CNKSR2: variants seen among roughly 807,000 people sequenced by gnomAD.
The protein encoded by CNKSR2 is CNK homolog protein 2.
CNKSR2 carries 14 observed loss-of-function variants against 84.4 expected under a neutral mutation model. That is an observed-to-expected ratio of 0.17 (90% CI 0.11 to 0.26). The LOEUF (loss-of-function observed/expected upper bound fraction) is 0.26. Among genes scored for constraint, CNKSR2 ranks in the 10% least tolerant of loss-of-function variants. The pLI, the probability that CNKSR2 is intolerant of heterozygous loss-of-function variation, is 1.00. For missense variants in CNKSR2, 485 were observed against 771.2 expected, an observed-to-expected ratio of 0.63 and a Z score of 4.40; for synonymous variants, 275 against 277.9, an observed-to-expected ratio of 0.99 and a Z score of 0.10.
At chrX:21,619,144 A>T (rs1399370920) in intron 20 of CNKSR2, among the ~76,000 whole-genome samples, 1 of 112,532 alleles carries the variant, frequency 8.9e-6, no homozygotes, top group Non-Finnish European at 1.9e-5. Flanking sequence ...GATTCAGCTT[A>T]TTCCTTAAAC....
chrX:21,474,798 A>G (rs900751651), intron 5 of CNKSR2, among the ~76,000 whole-genome samples: 8 of 112,081 alleles, frequency 7.1e-5, no homozygotes, highest in African/African-American at 2.6e-4. Flanking sequence ...CAAGATTTGC[A>G]TAACTCACAA....
intron 11 of CNKSR2, among the ~76,000 whole-genome samples, chrX:21,556,436 C>G (rs751089132): frequency 1.8e-5 from 2 of 111,049 alleles, no homozygotes; most frequent in Middle Eastern, 4.7e-3. Context: ...GAATCCTGAC[C>G]TAGAATGAGA....
intron 8 of CNKSR2, among the ~76,000 whole-genome samples, chrX:21,507,599 A>G (rs1397079881): frequency 9.0e-6 from 1 of 111,718 alleles, no homozygotes; most frequent in Non-Finnish European, 1.9e-5. Context: ...GTTGTGATAA[A>G]TATATACATA....
At chrX:21,529,067 T>C in intron 10 of CNKSR2, among the ~76,000 whole-genome samples, 1 of 111,301 alleles carries the variant, frequency 9.0e-6, no homozygotes, top group South Asian at 3.7e-4. Flanking sequence ...ACTTTGTTTA[T>C]ACAGGATAGG....
At chrX:21,642,184 A>G (rs2092693965) in intron 20 of CNKSR2, 1 of 743,091 alleles carries the variant, frequency 1.3e-6, no homozygotes. Context: ...GAAACTTACT[A>G]TGTTTATTCT....
intron 1 of CNKSR2, among the ~76,000 whole-genome samples, chrX:21,420,435 C>G (rs1280305705): frequency 1.8e-5 from 2 of 112,149 alleles, no homozygotes; most frequent in Non-Finnish European, 3.8e-5. Flanking sequence ...AGACAAAGTC[C>G]CCTTTCCTTT....
chrX:21,592,906 A>G (rs1014606344), intron 15 of CNKSR2: 1 of 108,302 alleles, frequency 9.2e-6, no homozygotes, highest in African/African-American at 3.4e-5. Flanking sequence ...GGTCACTTGC[A>G]GGTTTGTCTG....
chrX:21,499,520 C>T (rs2091537245), intron 7 of CNKSR2, among the ~76,000 whole-genome samples: 1 of 111,454 alleles, frequency 9.0e-6, no homozygotes, highest in Non-Finnish European at 1.9e-5. Flanking sequence ...ATGTGGAGCA[C>T]TGTCTTGCTC....
At position 21,374,788 on chromosome X, in the gene CNKSR2, C is replaced by G. The variant is rs968792464; in HGVS notation, c.-110C>G. ...ACAAAAGCCGCTTTCTCCGCGCCGC[C>G]CGCCCAGGGAGGCTGCGGCCAGCAA... On this transcript the variant is annotated 5_prime_UTR_variant, in exon 1 of 22. Transcript: ENST00000379510. 6 of 681,342 alleles carry G rather than the reference C, an allele frequency of 8.8e-6. No homozygotes were observed. Among genetic ancestry groups the G allele is most frequent in the Non-Finnish European group, 1.2e-5 (5 of 420,430 alleles). The allele number at this position is 681,342 out of a possible 1,213,427, so 56.2% of individuals were successfully genotyped here.
At chrX:21,436,490 C>T (rs960088809) in intron 3 of CNKSR2, among the ~76,000 whole-genome samples, 2 of 111,309 alleles carry the variant, frequency 1.8e-5, no homozygotes, top group African/African-American at 6.5e-5. Context: ...TTAAGGAGTA[C>T]AGTCGCTTAA....
chrX:21,407,847 A>G (rs1195646374), intron 1 of CNKSR2, among the ~76,000 whole-genome samples: 1 of 112,201 alleles, frequency 8.9e-6, no homozygotes, highest in East Asian at 2.8e-4. Flanking sequence ...TATAACCAAA[A>G]GAACATGTTT....
chrX:21,432,202 T>C (rs1041966780), intron 2 of CNKSR2, among the ~76,000 whole-genome samples: 1 of 111,742 alleles, frequency 8.9e-6, no homozygotes, highest in Non-Finnish European at 1.9e-5. Flanking sequence ...AGCAGAATTA[T>C]CCCTAGTACC....
At chrX:21,555,865 G>A (rs1021049637) in intron 11 of CNKSR2, among the ~76,000 whole-genome samples, 3 of 110,836 alleles carry the variant, frequency 2.7e-5, no homozygotes, top group African/African-American at 9.8e-5. Context: ...AATGACTTTA[G>A]CGTGCTTTTA....
chrX:21,590,463 TAACA>T, intron 13 of CNKSR2, 105 bp from the exon 14 acceptor site: 1 of 650,779 alleles, frequency 1.5e-6, no homozygotes, highest in Non-Finnish European at 2.3e-6. Flanking sequence ...GTTCTTCCCC[TAACA>T]GTGTTTAGAG....
intron 5 of CNKSR2, among the ~76,000 whole-genome samples, chrX:21,482,768 C>T: frequency 9.0e-6 from 1 of 111,139 alleles, no homozygotes; most frequent in East Asian, 2.8e-4. Flanking sequence ...TAGTAGTTGG[C>T]GTTTGAATCA....
intron 1 of CNKSR2, chrX:21,424,286 C>A (rs539244842): frequency 2.7e-5 from 3 of 112,038 alleles, no homozygotes; most frequent in African/African-American, 9.7e-5. Flanking sequence ...TGTCTGGCTT[C>A]TCTTTGCCTT....
At chrX:21,571,141 C>A (rs2092280931) in intron 13 of CNKSR2, among the ~76,000 whole-genome samples, 1 of 112,516 alleles carries the variant, frequency 8.9e-6, no homozygotes, top group African/African-American at 3.2e-5. Flanking sequence ...ATCTATATTG[C>A]AAATGTGTTA....
At chrX:21,434,273 A>G (rs1490404424) in intron 3 of CNKSR2, among the ~76,000 whole-genome samples, 1 of 111,886 alleles carries the variant, frequency 8.9e-6, no homozygotes, top group Non-Finnish European at 1.9e-5. Context: ...GAGTGAATAG[A>G]AAATGTTTTT....
intron 8 of CNKSR2, among the ~76,000 whole-genome samples, chrX:21,501,987 A>T (rs772166137): frequency 9.2e-6 from 1 of 109,051 alleles, no homozygotes; most frequent in Non-Finnish European, 1.9e-5. Context: ...AACAGCATAC[A>T]TCCATTTATC....
Sources: allele counts gnomAD v4.1 joint callset (sites outside exome capture counted in the v4.1 genomes callset), GRCh38; gene constraint gnomAD v4.1.1; transcripts MANE v1.5; gene names NCBI Gene and HGNC (gene_info 2026-07-23, HGNC 2026-07-21).